The following NAALADL2 variants were observed in gnomAD, a reference collection of about 807,000 sequenced individuals.
NAALADL2 encodes the protein inactive N-acetylated-alpha-linked acidic dipeptidase-like protein 2.
NAALADL2 carries 76 observed loss-of-function variants against 87.2 expected under a neutral mutation model. That is an observed-to-expected ratio of 0.87 (90% CI 0.72 to 1.05). The LOEUF (loss-of-function observed/expected upper bound fraction) is 1.05, where lower values mean the gene tolerates loss of function less well. Ranked by LOEUF, NAALADL2 falls within the 50% of genes least tolerant of loss-of-function variation. The pLI, the probability that NAALADL2 is intolerant of heterozygous loss-of-function variation, is 0.00. For missense variants in NAALADL2, 1,089 were observed against 945.8 expected, an observed-to-expected ratio of 1.15 and a Z score of -1.99; for synonymous variants, 354 against 331.0, an observed-to-expected ratio of 1.07 and a Z score of -0.75.
chr3:175,030,712 GAGAAA>G (rs1553920348), intron 1 of NAALADL2, among the ~76,000 whole-genome samples: 1 of 152,024 alleles, frequency 6.6e-6, no homozygotes, highest in Non-Finnish European at 1.5e-5. Flanking sequence ...GAAAATTAAA[GAGAAA>G]AGAAGTGTAG....
chr3:175,019,724 A>C (rs1198494013), intron 1 of NAALADL2, among the ~76,000 whole-genome samples: 2 of 152,078 alleles, frequency 1.3e-5, no homozygotes, highest in African/African-American at 2.4e-5. Context: ...CATCCTACTT[A>C]AGAATGACAT....
chr3:175,007,207 T>A (rs1366880618), intron 1 of NAALADL2, among the ~76,000 whole-genome samples: 1 of 149,178 alleles, frequency 6.7e-6, no homozygotes, highest in Non-Finnish European at 1.5e-5. Flanking sequence ...GTGATGTGTA[T>A]ATAACCTATT....
rs531219220 is a variant in NAALADL2 at position 174,567,328 on chromosome 3, CAT to C, written c.-115+16694_-115+16695del. On this transcript the variant is annotated intron_variant, in intron 2 of 3. Transcript: ENST00000434257. ...ATCAATATTGGATTTATTTGCATAACATATTTAATTTTTAATACGCAGCAGTT... is the reference window on the plus strand; with the variant it reads ...ATCAATATTGGATTTATTTGCATAACATTTAATTTTTAATACGCAGCAGTT... Among the ~76,000 whole-genome samples, 251 of 151,460 alleles carry C rather than the reference CAT, an allele frequency of 1.7e-3. 1 individual carries two copies. The highest frequency in any genetic ancestry group is 5.5e-3 in the African/African-American group (228 of 41,442).
intron 9 of NAALADL2, among the ~76,000 whole-genome samples, chr3:175,525,394 T>G (rs931045372): frequency 2.6e-5 from 4 of 152,262 alleles, no homozygotes; most frequent in Admixed American, 6.5e-5. Flanking sequence ...TCACTGTCAA[T>G]TTACTTATCC....
At chr3:174,819,876 A>T (rs867613906) in intron 3 of NAALADL2, among the ~76,000 whole-genome samples, 1 of 152,132 alleles carries the variant, frequency 6.6e-6, no homozygotes, top group African/African-American at 2.4e-5. Context: ...TAGTTCTGAA[A>T]TTTTTTCAAA....
chr3:175,764,266 C>T (rs1184900948), intron 13 of NAALADL2, among the ~76,000 whole-genome samples: 1 of 151,958 alleles, frequency 6.6e-6, no homozygotes, highest in Non-Finnish European at 1.5e-5. Flanking sequence ...TAGGGACTAT[C>T]TCAGTAACTA....
intron 2 of NAALADL2, among the ~76,000 whole-genome samples, chr3:174,732,030 T>C (rs998535543): frequency 6.6e-6 from 1 of 152,144 alleles, no homozygotes; most frequent in Non-Finnish European, 1.5e-5. Flanking sequence ...ATTTTACTTA[T>C]AAAAACAGGC....
intron 3 of NAALADL2, among the ~76,000 whole-genome samples, chr3:174,778,162 T>G (rs1715450012): frequency 6.6e-6 from 1 of 152,122 alleles, no homozygotes. Context: ...AACTCTGTCC[T>G]CAATGCCAAA....
chr3:174,830,844 T>G (rs1297221309), intron 3 of NAALADL2, among the ~76,000 whole-genome samples: 1 of 152,114 alleles, frequency 6.6e-6, no homozygotes, highest in Non-Finnish European at 1.5e-5. Flanking sequence ...GTTGGACTCC[T>G]AGGTATTTTA....
chr3:175,715,762 C>T (rs182044590), intron 11 of NAALADL2, among the ~76,000 whole-genome samples: 1 of 152,178 alleles, frequency 6.6e-6, no homozygotes, highest in Non-Finnish European at 1.5e-5. Context: ...GTAATCCCAG[C>T]TACTCAGAAG....
chr3:174,475,049 T>C (rs1717134885), intron 1 of NAALADL2, among the ~76,000 whole-genome samples: 1 of 151,934 alleles, frequency 6.6e-6, no homozygotes, highest in African/African-American at 2.4e-5. Context: ...TGATAAATGG[T>C]GTCTGGAATT....
chr3:174,700,886 A>C (rs1729483044), intron 2 of NAALADL2, among the ~76,000 whole-genome samples: 1 of 152,148 alleles, frequency 6.6e-6, no homozygotes, highest in South Asian at 2.1e-4. Flanking sequence ...AGGGAGAGGG[A>C]TTCTAACAAA....
rs537890785 is a variant in NAALADL2 at position 175,380,053 on chromosome 3, G to C, written c.1090+55728G>C. The stretch of plus-strand genomic sequence containing the variant: ...ATCACACACCAGGGACTGTTGTGGG[G>C]TGTGGGCAGAGGGGAGAGATAGCAT... On this transcript the variant is annotated intron_variant, in intron 5 of 13. Transcript: ENST00000454872. Among the ~76,000 whole-genome samples, 288 of 152,218 alleles carry C rather than the reference G, an allele frequency of 1.9e-3. 1 individual carries two copies. Among genetic ancestry groups the C allele is most frequent in the African/African-American group, 6.7e-3 (280 of 41,536 alleles).
chr3:175,140,769 A>G (rs1460828020), intron 2 of NAALADL2, among the ~76,000 whole-genome samples: 1 of 152,184 alleles, frequency 6.6e-6, no homozygotes, highest in Admixed American at 6.6e-5. Context: ...CTTCATGGAA[A>G]AGTCAATGGA....
intron 5 of NAALADL2, among the ~76,000 whole-genome samples, chr3:175,351,815 G>A (rs935333493): frequency 1.3e-5 from 2 of 152,002 alleles, no homozygotes; most frequent in African/African-American, 4.8e-5. Flanking sequence ...ATAACAATGG[G>A]GGTTTTCCAG....
intron 1 of NAALADL2, among the ~76,000 whole-genome samples, chr3:175,085,230 C>G (rs1718650527): frequency 6.6e-6 from 1 of 152,118 alleles, no homozygotes; most frequent in African/African-American, 2.4e-5. Flanking sequence ...AACTCTGTCT[C>G]TTAATAGTAA....
intron 11 of NAALADL2, among the ~76,000 whole-genome samples, chr3:175,700,638 G>A (rs1265511899): frequency 6.6e-6 from 1 of 152,092 alleles, no homozygotes; most frequent in Non-Finnish European, 1.5e-5. Context: ...TGAAAAGAAA[G>A]TATGGGATCA....
At chr3:175,372,189 CTA>C (rs925080782) in intron 5 of NAALADL2, among the ~76,000 whole-genome samples, 12 of 152,234 alleles carry the variant, frequency 7.9e-5, no homozygotes, top group African/African-American at 2.9e-4. Context: ...ACAGGAGTCG[CTA>C]TGTTTTTAGC....
chr3:175,243,361 C>CAG (rs1560219264), intron 3 of NAALADL2, among the ~76,000 whole-genome samples: 1 of 151,776 alleles, frequency 6.6e-6, no homozygotes, highest in African/African-American at 2.4e-5. Flanking sequence ...CACACACACA[C>CAG]GCCAGCACAA....
Sources: allele counts gnomAD v4.1 joint callset (sites outside exome capture counted in the v4.1 genomes callset), GRCh38; gene constraint gnomAD v4.1.1; transcripts MANE v1.5; gene names NCBI Gene and HGNC (gene_info 2026-07-23, HGNC 2026-07-21).